PDGFRA: variants seen among roughly 807,000 people sequenced by gnomAD.
PDGFRA encodes platelet-derived growth factor receptor alpha.
Under a neutral mutation model 121.5 loss-of-function variants are expected in PDGFRA, and 25 were observed. The ratio of observed to expected loss-of-function variants is 0.21; its 90% confidence interval spans 0.15 to 0.29. PDGFRA has a LOEUF of 0.29. PDGFRA is among the 10% of genes least tolerant of loss of function. The pLI is 1.00. For synonymous variants in PDGFRA, 463 were observed against 494.8 expected, an observed-to-expected ratio of 0.94 and a Z score of 0.85; for missense variants, 1,008 against 1,345.1, an observed-to-expected ratio of 0.75 and a Z score of 3.92.
intron 3 of PDGFRA, 126 bp downstream of exon 3, chr4:54,261,538 G>A (rs924928052): frequency 1.2e-5 from 7 of 600,008 alleles, no homozygotes; most frequent in African/African-American, 1.9e-5. Flanking sequence ...AAATGTAAGC[G>A]AACACACACA....
chr4:54,270,254 G>A (rs1441019860), intron 7 of PDGFRA, among the ~76,000 whole-genome samples: 2 of 152,138 alleles, frequency 1.3e-5, no homozygotes, highest in Non-Finnish European at 2.9e-5. Flanking sequence ...CCACCTAAAT[G>A]ATGGATATTT....
In PDGFRA at chr4:54,295,261, A is replaced by G. The variant is rs2110359113; in HGVS notation, c.3259A>G (p.Ser1087Gly). The change falls in exon 23 of 23, where the codon AGC becomes GGC. Residue 1087 changes from serine (S) to glycine (G), a missense_variant. Physicochemically the swap from Ser to Gly is moderately conservative, Grantham distance 56. Coordinates refer to ENST00000257290, the MANE Select transcript of PDGFRA (RefSeq NM_006206.6). Reference sequence around the variant, plus strand: ...AGACTCTTCAGACCTGGTGGAAGACAGCTTCCTGTAACTGGCGGATTCGAG... The same window carrying G: ...AGACTCTTCAGACCTGGTGGAAGACGGCTTCCTGTAACTGGCGGATTCGAG... ...GIDSSDLVED[S>G]FL 4.3e-6 allele frequency: 7 copies of G among 1,614,134 alleles called. No individual in the cohort carries two copies. Among genetic ancestry groups the G allele is most frequent in the Non-Finnish European group, 5.9e-6 (7 of 1,180,000 alleles).
intron 9 of PDGFRA, 52 bp from the exon 10 acceptor site, chr4:54,273,485 T>C (rs1723516319): frequency 6.8e-7 from 1 of 1,467,026 alleles, no homozygotes; most frequent in Non-Finnish European, 9.5e-7. Context: ...GCTCCACTCA[T>C]TGCCATGACT....
chr4:54,281,485 C>A, intron 16 of PDGFRA: 1 of 804,604 alleles, frequency 1.2e-6, no homozygotes, highest in Non-Finnish European at 1.8e-6. Flanking sequence ...GGGTGAACTT[C>A]CAAGCGCTTT....
chr4:54,248,842 C>A (rs1449994044), intron 1 of PDGFRA, among the ~76,000 whole-genome samples: 116 of 151,964 alleles, frequency 7.6e-4, no homozygotes, highest in African/African-American at 2.7e-3. Context: ...AATATCCAGA[C>A]TCTACAATGA....
At chr4:54,267,241 C>A (rs751647001) in intron 5 of PDGFRA, 48 bp from the exon 6 acceptor site, 3 of 1,578,198 alleles carry the variant, frequency 1.9e-6, no homozygotes, top group South Asian at 2.2e-5. Flanking sequence ...GAGTTCACTC[C>A]TAGGAGCGAG....
chr4:54,233,731 G>A (rs1235060786), intron 1 of PDGFRA, among the ~76,000 whole-genome samples: 1 of 152,220 alleles, frequency 6.6e-6, no homozygotes, highest in Non-Finnish European at 1.5e-5. Flanking sequence ...GGAGAAGCAG[G>A]GGAGTGTGGA....
intron 1 of PDGFRA, among the ~76,000 whole-genome samples, chr4:54,233,889 A>G (rs1034167223): frequency 1.3e-5 from 2 of 152,038 alleles, no homozygotes; most frequent in South Asian, 2.1e-4. Flanking sequence ...GTCGTTTCCA[A>G]TCAGCTGCGC....
chr4:54,232,208 G>T (rs1486096908), intron 1 of PDGFRA, among the ~76,000 whole-genome samples: 1 of 152,206 alleles, frequency 6.6e-6, no homozygotes. Flanking sequence ...TAACTCGCCG[G>T]GTCCAACCGC....
At chr4:54,256,507 C>T (rs1052232800) in intron 1 of PDGFRA, among the ~76,000 whole-genome samples, 29 of 150,572 alleles carry the variant, frequency 1.9e-4, no homozygotes, top group Non-Finnish European at 3.0e-4. Flanking sequence ...CAAAGTGCTG[C>T]GATTACAGGC....
At chr4:54,231,420 C>T (rs1720661472) in intron 1 of PDGFRA, among the ~76,000 whole-genome samples, 1 of 152,218 alleles carries the variant, frequency 6.6e-6, no homozygotes, top group Non-Finnish European at 1.5e-5. Context: ...GCACGACAGT[C>T]CTCCGCAGTG....
At chr4:54,256,095 G>T (rs1387360953) in intron 1 of PDGFRA, among the ~76,000 whole-genome samples, 1 of 152,084 alleles carries the variant, frequency 6.6e-6, no homozygotes, top group Admixed American at 6.6e-5. Flanking sequence ...AAGACCACAG[G>T]ATGCAAGCTG....
chr4:54,266,608 T>C (rs1454005788), intron 5 of PDGFRA, among the ~76,000 whole-genome samples: 1 of 152,212 alleles, frequency 6.6e-6, no homozygotes, highest in East Asian at 1.9e-4. Flanking sequence ...ATAGGTGTTA[T>C]TCTTTAAATG....
At position 54,295,572 on chromosome 4, in the gene PDGFRA, G is replaced by A. The variant is rs1355979301; in HGVS notation, c.*300G>A. The A allele has an allele frequency of 2.2e-6, 1 of 462,332 alleles. No individual in the cohort carries two copies. 28.6% of individuals were successfully genotyped at this position (462,332 alleles called of 1,614,324 possible). A position where few individuals can be genotyped will look rare whatever the true frequency, so the allele number is the denominator to read the frequency against. The stretch of plus-strand genomic sequence containing the variant: ...GTGAACTTTGTGCTTCAAGGACATT[G>A]GTGAGAGTCCAACAGACACAATTTA... On this transcript the variant is annotated 3_prime_UTR_variant, in exon 23 of 23. Coordinates refer to ENST00000257290, the MANE Select transcript of PDGFRA (RefSeq NM_006206.6).
intron 1 of PDGFRA, among the ~76,000 whole-genome samples, chr4:54,255,808 C>CT (rs1393280146): frequency 0.017 from 2,595 of 148,866 alleles, 29 homozygotes; most frequent in Non-Finnish European, 0.025. Context: ...CCCTTCCCTC[C>CT]TTTTTTTTTT....
chr4:54,268,562 C>T (rs1388031022), intron 7 of PDGFRA, among the ~76,000 whole-genome samples: 1 of 152,190 alleles, frequency 6.6e-6, no homozygotes, highest in African/African-American at 2.4e-5. Context: ...GGAGGAAGAA[C>T]AGAGCCTTTC....
chr4:54,231,884 G>C (rs965600983), intron 1 of PDGFRA, among the ~76,000 whole-genome samples: 3 of 152,236 alleles, frequency 2.0e-5, no homozygotes, highest in Non-Finnish European at 2.9e-5. Context: ...GTTTCCTCTC[G>C]GGACGCGGAC....
intron 10 of PDGFRA, 70 bp from the exon 11 acceptor site, chr4:54,274,461 C>T (rs1723593210): frequency 8.2e-6 from 9 of 1,096,858 alleles, no homozygotes; most frequent in African/African-American, 1.5e-5. Context: ...GACACAGCCA[C>T]ACTACCTTGC....
At chr4:54,276,258 C>T (rs575274376) in intron 12 of PDGFRA, among the ~76,000 whole-genome samples, 4 of 152,210 alleles carry the variant, frequency 2.6e-5, no homozygotes, top group South Asian at 4.1e-4. Context: ...AAACCCCATT[C>T]CCCCAGTTTC....
Sources: gnomAD v4.1 joint callset for allele counts (sites outside exome capture counted in the v4.1 genomes callset) on GRCh38, gnomAD v4.1.1 for gene constraint, MANE v1.5 for transcripts, NCBI Gene and HGNC (gene_info 2026-07-23, HGNC 2026-07-21) for gene names.